The following FTCDNL1 variants were observed in gnomAD, a reference collection of about 807,000 sequenced individuals.
FTCDNL1 encodes the protein formiminotransferase N-terminal subdomain-containing protein.
In FTCDNL1, 11 loss-of-function variants were observed where a neutral mutation model predicts 5.9. The ratio of observed to expected loss-of-function variants is 1.87; its 90% CI spans 1.18 to 3.10. The LOEUF (loss-of-function observed/expected upper bound fraction) is 3.10, where lower values mean the gene tolerates loss of function less well. FTCDNL1 is among the 30% of genes most tolerant of loss of function. The pLI, the probability that FTCDNL1 is intolerant of heterozygous loss-of-function variation, is 0.00. For missense variants in FTCDNL1, 115 were observed against 65.5 expected (o/e 1.76, Z -2.61); for synonymous variants, 58 against 24.8 (o/e 2.34, Z -3.99).
chr2:199,847,764 C>A (rs1294107250), intron 2 of FTCDNL1, among the ~76,000 whole-genome samples: 3 of 152,212 alleles, frequency 2.0e-5, no homozygotes, highest in Non-Finnish European at 2.9e-5. Context: ...AGACAGGCAA[C>A]CCAATCCCAT....
chr2:199,673,330 A>G, the FTCDNL1 span, among the ~76,000 whole-genome samples: 1 of 144,970 alleles, frequency 6.9e-6, no homozygotes, highest in Non-Finnish European at 1.5e-5. Context: ...TCTGTCTCAA[A>G]AAAAAAAAAA....
intron 3 of FTCDNL1, among the ~76,000 whole-genome samples, chr2:199,781,396 C>G (rs1699354353): frequency 6.6e-6 from 1 of 152,120 alleles, no homozygotes; most frequent in Non-Finnish European, 1.5e-5. Context: ...ACCACAGAAG[C>G]CCTATAAAAT....
chr2:199,820,583 A>G (rs1393831821), intron 3 of FTCDNL1, among the ~76,000 whole-genome samples: 5 of 152,250 alleles, frequency 3.3e-5, no homozygotes, highest in African/African-American at 1.2e-4. Context: ...ATCGCCACAG[A>G]AAGTTCTATT....
intron 3 of FTCDNL1, among the ~76,000 whole-genome samples, chr2:199,773,447 C>T (rs920648460): frequency 6.6e-6 from 1 of 152,120 alleles, no homozygotes; most frequent in Non-Finnish European, 1.5e-5. Flanking sequence ...TACTCTTTCC[C>T]CATTGTAAGG....
At chr2:199,665,904 G>A in the FTCDNL1 span, among the ~76,000 whole-genome samples, 4 of 151,400 alleles carry the variant, frequency 2.6e-5, no homozygotes, top group African/African-American at 9.7e-5. Context: ...TTACTGTTTT[G>A]TAGCAGTAAT....
rs556008789 is a variant in FTCDNL1 at position 199,834,646 on chromosome 2, A to G, written c.211+11429T>C. On this transcript the variant is annotated intron_variant, in intron 3 of 4. Coordinates refer to ENST00000420128, the MANE Select transcript of FTCDNL1 (RefSeq NM_001363886.2). ...CCAATACTAGTTTGATCAGTAATAA[A>G]GTTATTGTAGTCTCCATTTCTCATC... 4.9e-4 allele frequency among the ~76,000 whole-genome samples: 75 copies of G among 152,266 alleles called. 1 individual carries two copies. The highest frequency in any genetic ancestry group is 1.7e-3 in the African/African-American group (70 of 41,548).
At chr2:199,726,421 G>A in the FTCDNL1 span, among the ~76,000 whole-genome samples, 1,022 of 152,284 alleles carry the variant, frequency 6.7e-3, 10 homozygotes, top group Admixed American at 0.016. Context: ...GCCCAGTTCT[G>A]TGCCCTTGCT....
chr2:199,827,791 G>A (rs944196826), intron 3 of FTCDNL1, among the ~76,000 whole-genome samples: 7 of 152,114 alleles, frequency 4.6e-5, no homozygotes, highest in African/African-American at 1.7e-4. Flanking sequence ...TTTCCCTTTT[G>A]CAAGCCTAAG....
At chr2:199,680,700 G>A in the FTCDNL1 span, among the ~76,000 whole-genome samples, 4 of 152,140 alleles carry the variant, frequency 2.6e-5, no homozygotes, top group East Asian at 3.8e-4. Flanking sequence ...TCAGACACTC[G>A]CATGGTTTCC....
chr2:199,830,235 G>T (rs1209380124), intron 3 of FTCDNL1, among the ~76,000 whole-genome samples: 1 of 152,088 alleles, frequency 6.6e-6, no homozygotes, highest in Admixed American at 6.6e-5. Flanking sequence ...CAGATGATAA[G>T]ACAGATAGCC....
chr2:199,699,908 T>A, the FTCDNL1 span, among the ~76,000 whole-genome samples: 2 of 152,102 alleles, frequency 1.3e-5, no homozygotes, highest in Non-Finnish European at 2.9e-5. Flanking sequence ...CTCAAAATAA[T>A]GAGAGCCACA....
Position 199,768,885 on chromosome 2 carries a change from AGGAAACGTTT to A in FTCDNL1, c.212-8060_212-8051del, listed in dbSNP as rs1698669915. 4.6e-5 allele frequency among the ~76,000 whole-genome samples: 7 copies of A among 152,282 alleles called. No individual in the cohort carries two copies. In the South Asian group the frequency reaches 1.5e-3, roughly 32 times the overall value. On this transcript the variant is annotated intron_variant, in intron 3 of 3. Coordinates refer to the FTCDNL1 transcript ENST00000416668. ...GCTATTTAAGTTTGTCTCTCCACAA[AGGAAACGTTT>A]GGATGGGTGGGCATCGTGGGCACCC...
chr2:199,726,503 A>AT, the FTCDNL1 span, among the ~76,000 whole-genome samples: 2 of 151,592 alleles, frequency 1.3e-5, no homozygotes, highest in Admixed American at 6.6e-5. Context: ...TTTTGCGCTG[A>AT]TTTTTTCTCA....
the FTCDNL1 span, among the ~76,000 whole-genome samples, chr2:199,668,509 A>C: frequency 6.7e-6 from 1 of 149,098 alleles, no homozygotes; most frequent in South Asian, 2.1e-4. Flanking sequence ...CAGGTCTGGG[A>C]GCTGAGATCT....
the FTCDNL1 span, among the ~76,000 whole-genome samples, chr2:199,740,274 A>C: frequency 6.6e-6 from 1 of 152,168 alleles, no homozygotes; most frequent in African/African-American, 2.4e-5. Flanking sequence ...TGGTGCCGGA[A>C]ACTTTTGAGA....
chr2:199,665,934 T>C, the FTCDNL1 span, among the ~76,000 whole-genome samples: 5 of 152,154 alleles, frequency 3.3e-5, no homozygotes, highest in African/African-American at 4.8e-5. Flanking sequence ...AACCCTATTT[T>C]TTTCTAATGT....
Position 199,811,892 on chromosome 2 carries a change from G to A in FTCDNL1, c.*813C>T, listed in dbSNP as rs1038400356. 2.0e-5 allele frequency among the ~76,000 whole-genome samples: 3 copies of A among 152,322 alleles called. No homozygotes were observed. Among genetic ancestry groups the A allele is most frequent in the African/African-American group, 7.2e-5 (3 of 41,566 alleles). ...AAGAGTTCAATAAAGAACATGACAC[G>A]TACACTGTTCAGTGTCCCAACAGCG... On this transcript the variant is annotated 3_prime_UTR_variant, in exon 5 of 5. Coordinates refer to ENST00000420128, the MANE Select transcript of FTCDNL1 (RefSeq NM_001363886.2).
At chr2:199,723,929 C>T in the FTCDNL1 span, among the ~76,000 whole-genome samples, 1 of 152,170 alleles carries the variant, frequency 6.6e-6, no homozygotes, top group Non-Finnish European at 1.5e-5. Flanking sequence ...CCCTCCTTTT[C>T]AATTGTTTGG....
At chr2:199,777,843 G>A (rs1189819538) in intron 3 of FTCDNL1, among the ~76,000 whole-genome samples, 2 of 152,064 alleles carry the variant, frequency 1.3e-5, no homozygotes, top group African/African-American at 4.8e-5. Context: ...GCCAAAGGAG[G>A]GAGCGTGCAG....
Sources: allele counts gnomAD v4.1 joint callset (sites outside exome capture counted in the v4.1 genomes callset), GRCh38; gene constraint gnomAD v4.1.1; transcripts MANE v1.5; gene names NCBI Gene and HGNC (gene_info 2026-07-23, HGNC 2026-07-21).